C17orf67: variants seen among roughly 807,000 people sequenced by gnomAD.
C17orf67 encodes uncharacterized protein C17orf67.
C17orf67 carries 12 observed loss-of-function variants against 11.2 expected under a neutral mutation model. The observed-to-expected ratio is 1.07, with a 90% CI of 0.68 to 1.73. C17orf67 has a LOEUF of 1.73. Among genes scored for constraint, C17orf67 ranks in the 40% most tolerant of loss-of-function variants. The pLI is 0.00. For synonymous variants in C17orf67, 59 were observed against 46.9 expected (o/e 1.26, Z -1.05); for missense variants, 115 against 113.5 (o/e 1.01, Z -0.06).
chr17:56,800,396 G>A (rs925789352), intron 6 of C17orf67, among the ~76,000 whole-genome samples: 3 of 152,078 alleles, frequency 2.0e-5, no homozygotes, highest in South Asian at 4.1e-4. Context: ...ATTTACCCAC[G>A]TTGCTTCTTC....
chr17:56,802,760 A>T (rs561932373), intron 6 of C17orf67, among the ~76,000 whole-genome samples: 66 of 152,366 alleles, frequency 4.3e-4, no homozygotes, highest in African/African-American at 1.5e-3. Context: ...TTTCCCAGGA[A>T]CTGGTACACA....
At chr17:56,811,172 T>C (rs1401431974) in intron 6 of C17orf67, among the ~76,000 whole-genome samples, 1 of 152,126 alleles carries the variant, frequency 6.6e-6, no homozygotes, top group Non-Finnish European at 1.5e-5. Flanking sequence ...CAAGGTTCTA[T>C]CCAGAGCCCT....
intron 6 of C17orf67, among the ~76,000 whole-genome samples, chr17:56,812,755 G>A (rs1036073086): frequency 2.0e-5 from 3 of 151,984 alleles, no homozygotes; most frequent in Non-Finnish European, 4.4e-5. Flanking sequence ...TGCAAAGTTG[G>A]AAGCAAGCAG....
At chr17:56,810,706 C>T (rs1433066069) in intron 6 of C17orf67, among the ~76,000 whole-genome samples, 3 of 152,212 alleles carry the variant, frequency 2.0e-5, no homozygotes, top group Non-Finnish European at 4.4e-5. Flanking sequence ...GATGTGGGCC[C>T]GTATGGCAGC....
intron 2 of C17orf67, among the ~76,000 whole-genome samples, chr17:56,832,649 T>TTCC (rs1272790357): frequency 1.3e-5 from 2 of 152,166 alleles, no homozygotes; most frequent in African/African-American, 4.8e-5. Flanking sequence ...AAGTTTCACT[T>TTCC]TCCTGACTAC....
At chr17:56,800,543 T>C (rs1300355770) in intron 6 of C17orf67, among the ~76,000 whole-genome samples, 3 of 152,144 alleles carry the variant, frequency 2.0e-5, no homozygotes, top group Admixed American at 6.5e-5. Flanking sequence ...TGAGCTTTGT[T>C]CTCCATCTTT....
At chr17:56,804,381 T>A (rs1376785322) in intron 6 of C17orf67, 1 of 152,108 alleles carries the variant, frequency 6.6e-6, no homozygotes, top group African/African-American at 2.4e-5. Context: ...TTTGGAAAAA[T>A]TATTTTGCTC....
At chr17:56,792,990 T>G (rs201424385) in intron 7 of C17orf67, among the ~76,000 whole-genome samples, 2 of 139,632 alleles carry the variant, frequency 1.4e-5, no homozygotes, top group African/African-American at 2.7e-5. Flanking sequence ...GGTGATGATG[T>G]TGGTGGTGGT....
At chr17:56,797,985 T>C (rs535555880) in intron 6 of C17orf67, among the ~76,000 whole-genome samples, 7 of 152,352 alleles carry the variant, frequency 4.6e-5, no homozygotes, top group Admixed American at 1.3e-4. Flanking sequence ...TTATAAGCTC[T>C]CCTCCTTCCC....
chr17:56,828,002 C>T (rs536628309), intron 2 of C17orf67, among the ~76,000 whole-genome samples: 152 of 150,442 alleles, frequency 1.0e-3, no homozygotes, highest in African/African-American at 3.5e-3. Flanking sequence ...ATCAGGAGTT[C>T]GAGATCATCC....
chr17:56,816,536 A>G (rs1905765722), intron 4 of C17orf67, among the ~76,000 whole-genome samples: 1 of 152,200 alleles, frequency 6.6e-6, no homozygotes, highest in South Asian at 2.1e-4. Context: ...ACAGTAAGAA[A>G]AGTGAGATTC....
intron 4 of C17orf67, among the ~76,000 whole-genome samples, chr17:56,823,326 T>A (rs1905950016): frequency 6.6e-6 from 1 of 152,122 alleles, no homozygotes; most frequent in Non-Finnish European, 1.5e-5. Context: ...CTCAGGCCAT[T>A]AGGTGCATTA....
chr17:56,801,307 T>A (rs922521393), intron 6 of C17orf67, among the ~76,000 whole-genome samples: 5 of 152,224 alleles, frequency 3.3e-5, no homozygotes, highest in African/African-American at 1.2e-4. Flanking sequence ...TAAATTGTTT[T>A]TGGCATGTAT....
chr17:56,820,765 C>T (rs1471639039), intron 4 of C17orf67, among the ~76,000 whole-genome samples: 1 of 145,686 alleles, frequency 6.9e-6, no homozygotes, highest in Non-Finnish European at 1.5e-5. Context: ...GGGTGAGTTT[C>T]CCTTTTTTTT....
At chr17:56,817,331 A>G (rs1905784140) in intron 4 of C17orf67, among the ~76,000 whole-genome samples, 1 of 152,218 alleles carries the variant, frequency 6.6e-6, no homozygotes, top group Non-Finnish European at 1.5e-5. Flanking sequence ...CTGATATTAA[A>G]CCTGAATGTG....
At chr17:56,831,481 G>C (rs1906199051) in intron 2 of C17orf67, among the ~76,000 whole-genome samples, 2 of 152,212 alleles carry the variant, frequency 1.3e-5, no homozygotes, top group African/African-American at 4.8e-5. Flanking sequence ...TGCTCAGATG[G>C]ACATAGGTGG....
intron 6 of C17orf67, among the ~76,000 whole-genome samples, chr17:56,806,361 A>G (rs1219168197): frequency 1.3e-5 from 2 of 152,206 alleles, no homozygotes; most frequent in Non-Finnish European, 2.9e-5. Context: ...ATTTTTAATT[A>G]TACAAGTAAT....
intron 6 of C17orf67, among the ~76,000 whole-genome samples, chr17:56,813,020 G>GC (rs1247080446): frequency 6.6e-6 from 1 of 152,186 alleles, no homozygotes; most frequent in Non-Finnish European, 1.5e-5. Context: ...AGGTGCAGAT[G>GC]CTGGCACAGA....
chr17:56,815,024 C>CTG, intron 5 of C17orf67, 55 bp from the exon 6 acceptor site: 1 of 1,437,314 alleles, frequency 7.0e-7, no homozygotes, highest in South Asian at 1.1e-5. Flanking sequence ...GTTCATGAGC[C>CTG]ATCTCAACAG....
Sources: allele counts gnomAD v4.1 joint callset (sites outside exome capture counted in the v4.1 genomes callset), GRCh38; gene constraint gnomAD v4.1.1; transcripts MANE v1.5; gene names NCBI Gene and HGNC (gene_info 2026-07-23, HGNC 2026-07-21).